SNX25: variants seen among roughly 807,000 people sequenced by gnomAD.
SNX25 encodes sorting nexin 25, also known as sorting nexin-25.
A neutral mutation model predicts 113.7 loss-of-function variants in SNX25; 62 were observed. That is an observed-to-expected ratio of 0.55 (90% confidence interval 0.44 to 0.67). SNX25 has a LOEUF of 0.67. SNX25 is among the 30% of genes least tolerant of loss of function. The pLI is 0.00. For synonymous variants in SNX25, 421 were observed against 436.2 expected (o/e 0.97, Z 0.43); for missense variants, 1,014 against 1,161.0 (o/e 0.87, Z 1.84).
In SNX25 at chr4:185,363,074, C is replaced by T. The variant is rs1253976663; in HGVS notation, c.2935-311C>T. Among the ~76,000 whole-genome samples, 1 of 152,026 alleles carries T rather than the reference C, an allele frequency of 6.6e-6. No individual in the cohort carries two copies. Among genetic ancestry groups the T allele is most frequent in the Non-Finnish European group, 1.5e-5 (1 of 68,000 alleles). On this transcript the variant is annotated intron_variant, in intron 18 of 18. Transcript: ENST00000652585. This position sits in a 1 kb window ranked among gnomAD's most constrained non-coding sequence, Gnocchi z 4.2. Reference sequence around the variant, plus strand: ...GCTGGGATGGTCTCTAACTCCTGACCTCAGGTGATCTGTCTGCCTCAGCCT... The same window carrying T: ...GCTGGGATGGTCTCTAACTCCTGACTTCAGGTGATCTGTCTGCCTCAGCCT...
upstream of SNX25, among the ~76,000 whole-genome samples, chr4:185,208,296 G>C (rs111986764): frequency 2.0e-5 from 3 of 151,982 alleles, 1 homozygote; most frequent in African/African-American, 7.2e-5. Context: ...GATTACAGGC[G>C]TGAGCCACCG....
intron 1 of SNX25, among the ~76,000 whole-genome samples, chr4:185,218,184 A>G (rs1258633445): frequency 6.6e-6 from 1 of 152,202 alleles, no homozygotes; most frequent in African/African-American, 2.4e-5. Context: ...TCCCGGGTTC[A>G]AGTGATTCTC....
intron 5 of SNX25, 98 bp from the exon 6 acceptor site, chr4:185,287,914 G>A (rs1751570271): frequency 1.1e-6 from 1 of 950,670 alleles, no homozygotes; most frequent in African/African-American, 1.7e-5. Flanking sequence ...CACAGCTCCT[G>A]TGTTACATTT....
intron 6 of SNX25, among the ~76,000 whole-genome samples, chr4:185,291,622 GC>G (rs761418760): frequency 6.6e-6 from 1 of 152,204 alleles, no homozygotes; most frequent in Non-Finnish European, 1.5e-5. Context: ...CGCTGGGGGA[GC>G]CTCTTCCATG....
At chr4:185,289,718 A>G (rs1288540) in intron 6 of SNX25, among the ~76,000 whole-genome samples, 306 of 152,282 alleles carry the variant, frequency 2.0e-3, no homozygotes, top group African/African-American at 6.7e-3. Flanking sequence ...AAGATGCTTC[A>G]CTTCCAGACA....
At chr4:185,266,350 T>G (rs1310468017) in intron 4 of SNX25, among the ~76,000 whole-genome samples, 1 of 152,150 alleles carries the variant, frequency 6.6e-6, no homozygotes, top group Non-Finnish European at 1.5e-5. Context: ...TTTTTTTGGT[T>G]GTTGTAATTT....
chr4:185,302,659 C>T (rs909703722), intron 6 of SNX25, among the ~76,000 whole-genome samples: 1 of 152,202 alleles, frequency 6.6e-6, no homozygotes, highest in South Asian at 2.1e-4. Context: ...GGTGCGGAGA[C>T]GCCGACTCTG....
intron 1 of SNX25, among the ~76,000 whole-genome samples, chr4:185,237,995 G>A (rs1426259414): frequency 2.1e-5 from 3 of 144,514 alleles, no homozygotes; most frequent in African/African-American, 7.6e-5. Flanking sequence ...CTCAGGAGGC[G>A]GAGGTTGCAG....
intron 6 of SNX25, among the ~76,000 whole-genome samples, chr4:185,306,556 T>A (rs942804006): frequency 6.6e-6 from 1 of 152,226 alleles, no homozygotes; most frequent in Admixed American, 6.5e-5. Flanking sequence ...GTAAAAAGAA[T>A]GTAATGGTTG....
At chr4:185,376,287 CT>C in the SNX25 span, among the ~76,000 whole-genome samples, 1 of 151,626 alleles carries the variant, frequency 6.6e-6, no homozygotes, top group African/African-American at 2.4e-5. Context: ...TACAAACATA[CT>C]TTTTTTTGAG....
chr4:185,366,020 T>G, downstream of SNX25: 1 of 152,210 alleles, frequency 6.6e-6, no homozygotes, highest in Non-Finnish European at 1.5e-5. Flanking sequence ...AAAAGAAATC[T>G]TGTTTAAATC....
chr4:185,224,520 TATATATAC>T (rs766078579), intron 1 of SNX25, among the ~76,000 whole-genome samples: 81,704 of 128,030 alleles, frequency 0.64, 25,877 homozygotes, highest in East Asian at 0.72. Flanking sequence ...GATATATAAA[TATATATAC>T]ATATATATAA....
intron 5 of SNX25, among the ~76,000 whole-genome samples, chr4:185,274,003 A>T (rs1749304232): frequency 6.6e-6 from 1 of 151,524 alleles, no homozygotes; most frequent in Non-Finnish European, 1.5e-5. Context: ...CACCCATCAT[A>T]TCCTAATTCC....
rs1317228767 is a variant in SNX25 at position 185,247,360 on chromosome 4, G to C, written c.496G>C (p.Asp166His). 2 of 1,606,504 alleles carry C rather than the reference G, an allele frequency of 1.2e-6. No homozygotes were observed. The highest frequency in any genetic ancestry group is 1.7e-4 in the Middle Eastern group (1 of 6,034). ...SRRVVISHNM[D>H]KALKEVFDYS... is the part of the protein sequence containing the mutation. ...AAGGGTAGTAATTTCTCATAATATG[G>C]ATAAAGCTCTGAAAGAAGGTAAGGA... is the stretch of plus-strand genomic sequence containing the variant. Residue 166 changes from aspartate to histidine, a missense_variant, in exon 2 of 19, where the codon GAT (aspartate) becomes CAT (histidine). By Grantham distance (81) the Asp-to-His change is moderately conservative. Coordinates refer to ENST00000652585, the MANE Select transcript of SNX25 (RefSeq NM_001378034.2).
chr4:185,222,251 AG>A (rs1410453620), intron 1 of SNX25, among the ~76,000 whole-genome samples: 1 of 19,804 alleles, frequency 5.0e-5, no homozygotes, highest in East Asian at 2.4e-3. Flanking sequence ...CCTTCGCGGT[AG>A]GTATACAGCA....
chr4:185,242,056 A>G (rs1315857298), intron 1 of SNX25, among the ~76,000 whole-genome samples: 3 of 132,832 alleles, frequency 2.3e-5, no homozygotes, highest in Non-Finnish European at 3.5e-5. Flanking sequence ...AGTGGATTCT[A>G]CCCTTTTGAC....
intron 2 of SNX25, among the ~76,000 whole-genome samples, chr4:185,252,274 G>T (rs1212804649): frequency 6.6e-6 from 1 of 152,096 alleles, no homozygotes; most frequent in Non-Finnish European, 1.5e-5. Flanking sequence ...TCATCAGCAT[G>T]TAGAAAATCT....
In SNX25 at chr4:185,212,491, G is replaced by GTGTTTCTGTTTT. The variant is rs546083196; in HGVS notation, c.429+2237_429+2238insGTTTCTGTTTTT. On this transcript the variant is annotated intron_variant, in intron 1 of 18. Transcript: ENST00000652585. ...TGTGTGTGTGTGTGTGTGTGTGTGT[G>GTGTTTCTGTTTT]TTTTTTTTTTTTTTTGCTTTGAGAC... Among the ~76,000 whole-genome samples the GTGTTTCTGTTTT allele has an allele frequency of 1.3e-4, 14 of 104,940 alleles. 1 individual carries two copies. The highest frequency in any genetic ancestry group is 5.2e-4 in the African/African-American group (14 of 27,028). The allele number at this position is 104,940 out of a possible 152,430, so 68.8% of individuals were successfully genotyped here. A position where few individuals can be genotyped will look rare whatever the true frequency, so the allele number is the denominator to read the frequency against.
At chr4:185,275,889 A>G (rs114425207) in intron 5 of SNX25, among the ~76,000 whole-genome samples, 2,396 of 152,310 alleles carry the variant, frequency 0.016, 71 homozygotes, top group African/African-American at 0.055. Flanking sequence ...AAAAGAATGA[A>G]TGAATATAAA....
Sources: gnomAD v4.1 joint callset for allele counts (sites outside exome capture counted in the v4.1 genomes callset) on GRCh38, gnomAD v4.1.1 for gene constraint, Gnocchi (gnomAD v3.1) non-coding constraint, MANE v1.5 for transcripts, NCBI Gene and HGNC (gene_info 2026-07-23, HGNC 2026-07-21) for gene names.